The following PDE1C variants were observed in gnomAD, a reference collection of about 807,000 sequenced individuals.
The protein encoded by PDE1C is dual specificity calcium/calmodulin-dependent 3',5'-cyclic nucleotide phosphodiesterase 1C.
Under a neutral mutation model 93.1 loss-of-function variants are expected in PDE1C, and 62 were observed. The observed-to-expected ratio is 0.67, with a 90% CI of 0.54 to 0.82. The LOEUF (loss-of-function observed/expected upper bound fraction) is 0.82. PDE1C is among the 40% of genes least tolerant of loss of function. The probability of loss-of-function intolerance (pLI) is 0.00; values close to 1 mark genes in which losing one functional copy is unlikely to be tolerated. For missense variants in PDE1C, 742 were observed against 884.6 expected (o/e 0.84, Z 2.04); for synonymous variants, 325 against 310.1 (o/e 1.05, Z -0.50).
chr7:32,030,959 G>T (rs1790227346), intron 2 of PDE1C, among the ~76,000 whole-genome samples: 1 of 151,956 alleles, frequency 6.6e-6, no homozygotes, highest in South Asian at 2.1e-4. Context: ...ATCCCATAGA[G>T]CCTTTGATCT....
chr7:31,818,563 C>A (rs1788556563), intron 14 of PDE1C, among the ~76,000 whole-genome samples: 1 of 152,144 alleles, frequency 6.6e-6, no homozygotes, highest in African/African-American at 2.4e-5. Context: ...CAGTCCTCAG[C>A]AAATTAAACA....
At chr7:32,193,923 T>G (rs1325519543) in intron 2 of PDE1C, among the ~76,000 whole-genome samples, 1 of 147,738 alleles carries the variant, frequency 6.8e-6, no homozygotes, top group Non-Finnish European at 1.5e-5. Flanking sequence ...TTTGTTTTTT[T>G]TTTTTTTTTG....
intron 1 of PDE1C, among the ~76,000 whole-genome samples, chr7:32,319,477 AG>A (rs1455837685): frequency 6.6e-6 from 1 of 152,226 alleles, no homozygotes; most frequent in African/African-American, 2.4e-5. Context: ...TGGGAAAGTT[AG>A]GGGATCTCCC....
the PDE1C span, among the ~76,000 whole-genome samples, chr7:31,697,418 G>T: frequency 6.6e-6 from 1 of 152,222 alleles, no homozygotes; most frequent in East Asian, 1.9e-4. Flanking sequence ...GAGCTGGAAT[G>T]CCCTCCTCCC....
At chr7:32,204,583 G>A (rs1007139921) in intron 2 of PDE1C, among the ~76,000 whole-genome samples, 1 of 152,224 alleles carries the variant, frequency 6.6e-6, no homozygotes, top group African/African-American at 2.4e-5. Context: ...CAAAATCTGG[G>A]CTTTTTCTGC....
Position 31,837,277 on chromosome 7 carries a change from G to A in PDE1C, c.1106C>T (p.Ser369Phe). Residue 369 changes from serine (S) to phenylalanine (F), a missense_variant, in exon 11 of 18, where the codon TCC (serine) becomes TTC (phenylalanine). Ser to Phe is a radical substitution (Grantham distance 155). Transcript: ENST00000396191. Reference protein sequence around the residue: ...PEAIEKPKALSLMLHTADISH... With the variant: ...PEAIEKPKALFLMLHTADISH... ...AATATCTGCTGTATGCAGCATAAGGGATAAGGCTTTTGGCTTTTCAATGCT... is the reference window on the plus strand; with the variant it reads ...AATATCTGCTGTATGCAGCATAAGGAATAAGGCTTTTGGCTTTTCAATGCT... 6.2e-7 allele frequency: 1 copy of A among 1,612,666 alleles called. No individual in the cohort carries two copies. Among genetic ancestry groups the A allele is most frequent in the Non-Finnish European group, 8.5e-7 (1 of 1,179,198 alleles).
intron 2 of PDE1C, among the ~76,000 whole-genome samples, chr7:32,011,911 C>G (rs970869455): frequency 6.6e-6 from 1 of 152,162 alleles, no homozygotes; most frequent in African/African-American, 2.4e-5. Context: ...CAGCCCCAAA[C>G]TGAAAACAAC....
chr7:31,742,474 G>A, the PDE1C span, among the ~76,000 whole-genome samples: 2 of 152,186 alleles, frequency 1.3e-5, no homozygotes, highest in African/African-American at 2.4e-5. Context: ...AGGCTGAGGC[G>A]GGAGGATCCC....
the PDE1C span, chr7:31,707,222 A>G: frequency 2.5e-6 from 4 of 1,613,966 alleles, no homozygotes; most frequent in South Asian, 3.3e-5. Flanking sequence ...TTGCTCAGGG[A>G]CGAGAGACCC....
the PDE1C span, among the ~76,000 whole-genome samples, chr7:31,727,789 C>T: frequency 6.6e-6 from 1 of 152,170 alleles, no homozygotes; most frequent in African/African-American, 2.4e-5. Context: ...TGCCTATAAT[C>T]ACAGCAGTTT....
chr7:31,978,818 G>A (rs550762048), intron 2 of PDE1C, among the ~76,000 whole-genome samples: 5 of 152,252 alleles, frequency 3.3e-5, no homozygotes, highest in African/African-American at 7.2e-5. Flanking sequence ...ATCCATCTGC[G>A]GGTTTCTGGA....
chr7:32,198,956 A>C (rs1804809137), intron 2 of PDE1C, among the ~76,000 whole-genome samples: 1 of 149,418 alleles, frequency 6.7e-6, no homozygotes, highest in South Asian at 2.1e-4. Flanking sequence ...GTCTCTACTG[A>C]AAAAAAAAAT....
intron 2 of PDE1C, among the ~76,000 whole-genome samples, chr7:31,924,662 G>T (rs1413144624): frequency 6.6e-6 from 1 of 152,184 alleles, no homozygotes; most frequent in Non-Finnish European, 1.5e-5. Flanking sequence ...TATATAAGCA[G>T]GGTTCAGAAG....
chr7:31,677,571 G>A, the PDE1C span, among the ~76,000 whole-genome samples: 1 of 152,082 alleles, frequency 6.6e-6, no homozygotes, highest in Non-Finnish European at 1.5e-5. Flanking sequence ...CCCAGGTGCA[G>A]AAGTATTTGA....
intron 2 of PDE1C, among the ~76,000 whole-genome samples, chr7:31,989,365 C>A (rs1783871519): frequency 6.6e-6 from 1 of 152,106 alleles, no homozygotes; most frequent in African/African-American, 2.4e-5. Context: ...GCTGTTACTG[C>A]CAGCTACTTG....
chr7:31,690,497 G>A, the PDE1C span, among the ~76,000 whole-genome samples: 1 of 152,220 alleles, frequency 6.6e-6, no homozygotes, highest in Admixed American at 6.5e-5. Context: ...CTTGTGTGGA[G>A]AGGGGGCAAA....
the PDE1C span, among the ~76,000 whole-genome samples, chr7:31,639,436 GT>G: frequency 0.82 from 124,119 of 151,346 alleles, 51,296 homozygotes; most frequent in African/African-American, 0.93. Flanking sequence ...TTCAATTTGG[GT>G]TTTTTTTAAA....
intron 2 of PDE1C, among the ~76,000 whole-genome samples, chr7:32,178,133 G>A (rs1238044382): frequency 6.6e-6 from 1 of 152,192 alleles, no homozygotes; most frequent in Non-Finnish European, 1.5e-5. Flanking sequence ...CCAAGAGGAG[G>A]TGAAGCCAGG....
intron 3 of PDE1C, among the ~76,000 whole-genome samples, chr7:32,078,969 C>T (rs1264097783): frequency 6.6e-6 from 1 of 151,622 alleles, no homozygotes; most frequent in African/African-American, 2.4e-5. Flanking sequence ...ATACTCTTGC[C>T]AATAGGGAAG....
Sources: allele counts gnomAD v4.1 joint callset (sites outside exome capture counted in the v4.1 genomes callset), GRCh38; gene constraint gnomAD v4.1.1; transcripts MANE v1.5; gene names NCBI Gene and HGNC (gene_info 2026-07-23, HGNC 2026-07-21).